The following CSTPP1 variants were observed in gnomAD, a reference collection of about 807,000 sequenced individuals.
The protein encoded by CSTPP1 is UPF0705 protein C11orf49.
chr11:47,159,128 G>C, the CSTPP1 span, among the ~76,000 whole-genome samples: 1 of 152,226 alleles, frequency 6.6e-6, no homozygotes, highest in African/African-American at 2.4e-5. Flanking sequence ...TGGTTATTCT[G>C]AGTCAGTGCT....
chr11:46,965,948 C>T, the CSTPP1 span, among the ~76,000 whole-genome samples: 2 of 152,190 alleles, frequency 1.3e-5, no homozygotes, highest in African/African-American at 2.4e-5. Flanking sequence ...TGGTGCTTCA[C>T]TTAAGTATAG....
chr11:47,017,667 CTTT>C, the CSTPP1 span, among the ~76,000 whole-genome samples: 6,537 of 133,436 alleles, frequency 0.049, 418 homozygotes, highest in African/African-American at 0.16. Flanking sequence ...AATATATAAA[CTTT>C]TTTTTTTTTT....
At chr11:46,985,722 A>G in the CSTPP1 span, among the ~76,000 whole-genome samples, 1 of 152,212 alleles carries the variant, frequency 6.6e-6, no homozygotes, top group Admixed American at 6.5e-5. Flanking sequence ...ACATGTTATC[A>G]ATCACGTACT....
chr11:47,068,058 C>T, the CSTPP1 span, among the ~76,000 whole-genome samples: 1 of 151,644 alleles, frequency 6.6e-6, no homozygotes, highest in Non-Finnish European at 1.5e-5. Flanking sequence ...TGCCTTATGT[C>T]AATCAGGAAA....
the CSTPP1 span, chr11:47,161,018 C>G: frequency 7.0e-7 from 1 of 1,433,190 alleles, no homozygotes; most frequent in Non-Finnish European, 9.7e-7. Flanking sequence ...TAGATCGGCC[C>G]TCGCAGGGTC....
At chr11:46,936,857 A>C in the CSTPP1 span, 1 of 1,579,022 alleles carries the variant, frequency 6.3e-7, no homozygotes, top group Admixed American at 1.9e-5. Flanking sequence ...TCTGGGTAGG[A>C]ACCCCCTTTA....
At chr11:46,958,893 G>A in the CSTPP1 span, among the ~76,000 whole-genome samples, 1 of 152,136 alleles carries the variant, frequency 6.6e-6, no homozygotes, top group Non-Finnish European at 1.5e-5. Flanking sequence ...TTCTGCGTGG[G>A]CCCTCATTGG....
the CSTPP1 span, among the ~76,000 whole-genome samples, chr11:46,970,498 A>G: frequency 6.6e-6 from 1 of 151,428 alleles, no homozygotes; most frequent in Non-Finnish European, 1.5e-5. Context: ...GCCTCATACC[A>G]TATGGTACAT....
the CSTPP1 span, among the ~76,000 whole-genome samples, chr11:47,085,150 G>C: frequency 6.6e-6 from 1 of 152,180 alleles, no homozygotes; most frequent in Admixed American, 6.5e-5. Context: ...GTTGCAGTGA[G>C]CCAAGATCAC....
the CSTPP1 span, among the ~76,000 whole-genome samples, chr11:47,078,524 C>T: frequency 6.6e-6 from 1 of 151,986 alleles, no homozygotes; most frequent in Non-Finnish European, 1.5e-5. Flanking sequence ...GTAAGGTCAA[C>T]GATGCAAGCG....
chr11:47,118,071 G>T, the CSTPP1 span, among the ~76,000 whole-genome samples: 1 of 151,610 alleles, frequency 6.6e-6, no homozygotes. Context: ...GTAGAGACGG[G>T]GTTTCACCAT....
At chr11:47,067,571 G>A in the CSTPP1 span, among the ~76,000 whole-genome samples, 1 of 152,202 alleles carries the variant, frequency 6.6e-6, no homozygotes, top group Non-Finnish European at 1.5e-5. Context: ...CGGAACTGGT[G>A]TCCCTGTAAG....
chr11:47,101,190 A>C, the CSTPP1 span, among the ~76,000 whole-genome samples: 1 of 62,574 alleles, frequency 1.6e-5, no homozygotes, highest in Non-Finnish European at 2.7e-5. Context: ...TTTTTTTTTT[A>C]TTTTATTTTT....
chr11:47,065,977 T>TGTGTGTGTGTGTGTGTG, the CSTPP1 span, among the ~76,000 whole-genome samples: 1 of 146,000 alleles, frequency 6.8e-6, no homozygotes, highest in South Asian at 2.2e-4. Flanking sequence ...GGTCTAACAG[T>TGTGTGTGTGTGTGTGTG]TGTGTGTGTG....
the CSTPP1 span, among the ~76,000 whole-genome samples, chr11:47,116,129 C>A: frequency 2.6e-5 from 4 of 152,080 alleles, no homozygotes; most frequent in Non-Finnish European, 2.9e-5. Flanking sequence ...TGCAGTTTTG[C>A]GTGAATTTCT....
the CSTPP1 span, among the ~76,000 whole-genome samples, chr11:47,018,287 CTTTTTT>C: frequency 1.2e-5 from 1 of 82,190 alleles, no homozygotes; most frequent in African/African-American, 4.9e-5. Flanking sequence ...GTATGTTTAG[CTTTTTT>C]TTTTTTTTTT....
chr11:46,944,317 C>CAA, the CSTPP1 span, among the ~76,000 whole-genome samples: 999 of 77,392 alleles, frequency 0.013, 27 homozygotes, highest in African/African-American at 0.032. Flanking sequence ...GACTGCTTCT[C>CAA]AAAAAAAAAA....
At chr11:46,959,703 C>A in the CSTPP1 span, among the ~76,000 whole-genome samples, 2 of 151,996 alleles carry the variant, frequency 1.3e-5, no homozygotes, top group African/African-American at 4.8e-5. Flanking sequence ...TAAGTTTTAG[C>A]TTTTTTTCTG....
chr11:47,065,944 A>G, the CSTPP1 span, among the ~76,000 whole-genome samples: 367 of 145,142 alleles, frequency 2.5e-3, 1 homozygote, highest in African/African-American at 8.8e-3. Context: ...TGTATGCTGC[A>G]TCTTTGCTGA....
Sources: gnomAD v4.1 joint callset for allele counts (sites outside exome capture counted in the v4.1 genomes callset) on GRCh38, gnomAD v4.1.1 for gene constraint, MANE v1.5 for transcripts, NCBI Gene and HGNC (gene_info 2026-07-23, HGNC 2026-07-21) for gene names.